The following FGD5 variants were observed in gnomAD, a reference collection of about 807,000 sequenced individuals.
The protein encoded by FGD5 is FYVE, RhoGEF and PH domain-containing protein 5.
FGD5 carries 28 observed loss-of-function variants against 133.4 expected under a neutral mutation model. The ratio of observed to expected loss-of-function variants is 0.21; its 90% CI spans 0.16 to 0.29. The LOEUF is 0.29. Ranked by LOEUF, FGD5 falls within the 10% of genes least tolerant of loss-of-function variation. The pLI, the probability that FGD5 is intolerant of heterozygous loss-of-function variation, is 1.00. For missense variants in FGD5, 1,858 were observed against 1,895.2 expected (o/e 0.98, Z 0.36); for synonymous variants, 810 against 776.5 (o/e 1.04, Z -0.72).
At chr3:14,871,876 A>G (rs2125110640) in intron 2 of FGD5, among the ~76,000 whole-genome samples, 1 of 152,258 alleles carries the variant, frequency 6.6e-6, no homozygotes, top group South Asian at 2.1e-4. Context: ...CTCCTTCCTG[A>G]CTTGGCAGTG....
chr3:14,835,967 C>T (rs969548306), intron 1 of FGD5, among the ~76,000 whole-genome samples: 3 of 152,146 alleles, frequency 2.0e-5, no homozygotes. Flanking sequence ...GACTGAGGGT[C>T]TGGGAAATAC....
chr3:14,853,859 C>T (rs1175391504), intron 1 of FGD5, among the ~76,000 whole-genome samples: 2 of 88,208 alleles, frequency 2.3e-5, no homozygotes, highest in Non-Finnish European at 4.7e-5. Context: ...GGAGCCTAGT[C>T]CTTTGGAAGG....
At chr3:14,921,350 T>TCACCCAGCTAGCTGG (rs1419043962) in intron 13 of FGD5, 2 of 158,044 alleles carry the variant, frequency 1.3e-5, no homozygotes, top group East Asian at 3.6e-4. Flanking sequence ...TGTGAGAACT[T>TCACCCAGCTAGCTGG]CACCCAGCTA....
chr3:14,883,118 A>G (rs2037858610), intron 4 of FGD5, among the ~76,000 whole-genome samples: 1 of 152,136 alleles, frequency 6.6e-6, no homozygotes, highest in Admixed American at 6.5e-5. Flanking sequence ...TGGTAGTTAT[A>G]GCTAACTCAG....
rs1053954194 is a variant in FGD5 at position 14,897,865 on chromosome 3, A to G, written c.2910-74A>G. ...GATCTGCACCCAGGGATGTGACTCC[A>G]GGCCCCCTGCTTCTAACCCTGCGTT... is the stretch of plus-strand genomic sequence containing the variant. On this transcript the variant is annotated intron_variant, in intron 5 of 19. Transcript: ENST00000285046. 7.0e-6 allele frequency: 11 copies of G among 1,579,256 alleles called. No homozygotes were observed. The East Asian group carries it at 1.8e-4, about 26-fold the overall frequency.
Position 14,922,905 on chromosome 3 carries a change from G to A in FGD5, c.3808-141G>A. 1 of 1,200,178 alleles carries A rather than the reference G, an allele frequency of 8.3e-7. No individual in the cohort carries two copies. Among genetic ancestry groups the A allele is most frequent in the East Asian group, 2.4e-5 (1 of 42,380 alleles). The allele number at this position is 1,200,178 out of a possible 1,614,324, so 74.3% of individuals were successfully genotyped here. A position where few individuals can be genotyped will look rare whatever the true frequency, so the allele number is the denominator to read the frequency against. On this transcript the variant is annotated intron_variant, in intron 15 of 19. Transcript: ENST00000285046. The surrounding 1 kb of genome is among the most constrained non-coding windows in gnomAD (Gnocchi z 4.1). ...ATGAAGCCTTGCCGGAAAAGTAGGG[G>A]ACACGCACAGCTCCATGATCAGAAC...
At chr3:14,846,147 T>C (rs1315478998) in intron 1 of FGD5, among the ~76,000 whole-genome samples, 1 of 152,218 alleles carries the variant, frequency 6.6e-6, no homozygotes, top group African/African-American at 2.4e-5. Flanking sequence ...GTCGTGTTAA[T>C]TGAACCCGTG....
chr3:14,890,185 C>T (rs2038000686), intron 4 of FGD5, among the ~76,000 whole-genome samples: 1 of 152,198 alleles, frequency 6.6e-6, no homozygotes, highest in Non-Finnish European at 1.5e-5. Context: ...ATCCCTTCTG[C>T]CTGGGATGCT....
At chr3:14,890,340 C>G (rs1269163954) in intron 4 of FGD5, among the ~76,000 whole-genome samples, 2 of 152,186 alleles carry the variant, frequency 1.3e-5, no homozygotes, top group Non-Finnish European at 1.5e-5. Flanking sequence ...TTACTCCTGG[C>G]TTTGGAAGAA....
intron 1 of FGD5, among the ~76,000 whole-genome samples, chr3:14,855,020 T>C (rs1257452743): frequency 6.6e-6 from 1 of 152,218 alleles, no homozygotes; most frequent in Non-Finnish European, 1.5e-5. Context: ...ACCTTACTCC[T>C]ATCCTTCCCA....
Position 14,934,540 on chromosome 3 carries a change from G to A in FGD5, c.*1373G>A, listed in dbSNP as rs1441468812. The A allele has an allele frequency of 6.6e-6, 1 of 152,122 alleles. No homozygotes were observed. The highest frequency in any genetic ancestry group is 6.5e-5 in the Admixed American group (1 of 15,280). The allele number at this position is 152,122 out of a possible 1,614,324, so 9.4% of individuals were successfully genotyped here. ...AGTTTGCAGTTCTTTTAAAATGTTT[G>A]CATTAAACATGTAACTAATGGTTCA... On this transcript the variant is annotated 3_prime_UTR_variant, in exon 20 of 20. Transcript: ENST00000285046.
At chr3:14,933,030 C>CA in intron 19 of FGD5, 101 bp from the exon 20 acceptor site, 1 of 1,373,894 alleles carries the variant, frequency 7.3e-7, no homozygotes, top group South Asian at 1.2e-5. Context: ...TCCTTGACTT[C>CA]AAACTAAGAG....
rs1469752284 is a variant in FGD5 at position 14,900,518 on chromosome 3, G to A, written c.3205+65G>A. On this transcript the variant is annotated intron_variant, in intron 8 of 19. Coordinates refer to ENST00000285046, the MANE Select transcript of FGD5 (RefSeq NM_152536.4). ...GCTCTGCCTCCTTGCGCCAAAGCCT[G>A]GACCCTGCCCCAATTCCAAGGCCCA... is the stretch of plus-strand genomic sequence containing the variant. 3.3e-5 allele frequency: 52 copies of A among 1,562,570 alleles called. 1 individual carries two copies. In the South Asian group the frequency reaches 5.4e-4, roughly 16 times the overall value.
Position 14,819,277 on chromosome 3 carries a change from C to T in FGD5, c.206C>T (p.Pro69Leu), listed in dbSNP as rs959995588. 88 of 1,531,924 alleles carry T rather than the reference C, an allele frequency of 5.7e-5. No homozygotes were observed. Among genetic ancestry groups the T allele is most frequent in the Non-Finnish European group, 7.5e-5 (85 of 1,137,020 alleles). 94.9% of individuals were successfully genotyped at this position (1,531,924 alleles called of 1,614,324 possible). The change falls in exon 1 of 20, where the codon CCC becomes CTC. Residue 69 changes from proline (P) to leucine (L), a missense_variant. Physicochemically the swap from Pro to Leu is moderately conservative, Grantham distance 98 (BLOSUM62 -3). Transcript: ENST00000285046. The surrounding 1 kb of genome is among the most constrained non-coding windows in gnomAD (Gnocchi z 4.1). ...SETDEDYIVV[P>L]RVPLREDEPK... is the part of the protein sequence containing the mutation. ...ACCGACGAGGATTACATCGTGGTCC[C>T]CAGGGTTCCGCTGAGGGAGGATGAA... is the stretch of plus-strand genomic sequence containing the variant.
At chr3:14,896,517 G>C (rs6762862) in intron 4 of FGD5, among the ~76,000 whole-genome samples, 109,120 of 151,772 alleles carry the variant, frequency 0.72, 39,347 homozygotes, top group African/African-American at 0.76. Context: ...CTTCCCCAGG[G>C]TGGAGTGCAA....
At chr3:14,902,064 T>A (rs55891406) in intron 9 of FGD5, among the ~76,000 whole-genome samples, 2,951 of 151,934 alleles carry the variant, frequency 0.019, 93 homozygotes, top group African/African-American at 0.067. Context: ...GGTGGATCAC[T>A]TGAGGTCAGG....
At chr3:14,909,397 G>A (rs1002556967) in intron 10 of FGD5, among the ~76,000 whole-genome samples, 2 of 152,162 alleles carry the variant, frequency 1.3e-5, no homozygotes, top group African/African-American at 2.4e-5. Context: ...ATAGTTCCAC[G>A]GGTCAAACAG....
At chr3:14,822,800 C>T (rs542890117) in intron 1 of FGD5, among the ~76,000 whole-genome samples, 1 of 152,316 alleles carries the variant, frequency 6.6e-6, no homozygotes, top group East Asian at 1.9e-4. Context: ...AAACTTAAAC[C>T]AGTCCTACTC....
chr3:14,826,894 T>C (rs1201646762), intron 1 of FGD5, among the ~76,000 whole-genome samples: 2 of 152,214 alleles, frequency 1.3e-5, no homozygotes, highest in Non-Finnish European at 2.9e-5. Context: ...TGGCATGAAC[T>C]GTACCTCTGA....
Sources: allele counts gnomAD v4.1 joint callset (sites outside exome capture counted in the v4.1 genomes callset), GRCh38; gene constraint gnomAD v4.1.1; non-coding constraint Gnocchi (gnomAD v3.1); transcripts MANE v1.5; gene names NCBI Gene and HGNC (gene_info 2026-07-23, HGNC 2026-07-21).